The following ALPK1 variants were observed in gnomAD, a reference collection of about 807,000 sequenced individuals.
ALPK1 encodes the protein alpha-protein kinase 1.
ALPK1 carries 110 observed loss-of-function variants against 120.6 expected under a neutral mutation model. That is an observed-to-expected ratio of 0.91 (90% CI 0.78 to 1.07). ALPK1 has a LOEUF of 1.07. Ranked by LOEUF, ALPK1 falls within the 50% of genes least tolerant of loss-of-function variation. The pLI, the probability that ALPK1 is intolerant of heterozygous loss-of-function variation, is 0.00. For synonymous variants in ALPK1, 582 were observed against 560.3 expected (o/e 1.04, Z -0.55); for missense variants, 1,498 against 1,483.9 (o/e 1.01, Z -0.16).
intron 2 of ALPK1, among the ~76,000 whole-genome samples, chr4:112,324,232 C>A (rs947122479): frequency 6.6e-6 from 1 of 151,300 alleles, no homozygotes; most frequent in Non-Finnish European, 1.5e-5. Context: ...GAGGCTGAGG[C>A]AGGAGAATGG....
At chr4:112,327,608 A>C (rs183312670) in intron 2 of ALPK1, among the ~76,000 whole-genome samples, 1 of 152,036 alleles carries the variant, frequency 6.6e-6, no homozygotes, top group Non-Finnish European at 1.5e-5. Context: ...GATAATTTTT[A>C]AAAATTTTTT....
chr4:112,362,718 T>C (rs1478927089), intron 2 of ALPK1, among the ~76,000 whole-genome samples: 1 of 152,192 alleles, frequency 6.6e-6, no homozygotes, highest in Non-Finnish European at 1.5e-5. Context: ...GATATTCACA[T>C]ACAGGAAGCT....
chr4:112,389,297 C>T (rs1396950496), intron 4 of ALPK1, among the ~76,000 whole-genome samples: 1 of 152,162 alleles, frequency 6.6e-6, no homozygotes. Context: ...CCTGCCTCAG[C>T]CTAACCAAAG....
chr4:112,319,586 G>A (rs1007407351), intron 2 of ALPK1, among the ~76,000 whole-genome samples: 2 of 152,086 alleles, frequency 1.3e-5, no homozygotes, highest in African/African-American at 2.4e-5. Flanking sequence ...GAAAAATGAT[G>A]GTGGTACCTT....
intron 4 of ALPK1, among the ~76,000 whole-genome samples, chr4:112,410,214 C>T (rs992152462): frequency 1.5e-4 from 23 of 152,032 alleles, no homozygotes; most frequent in African/African-American, 5.6e-4. Context: ...TGGGCCTCTC[C>T]AGACTCCCAG....
chr4:112,391,512 G>A (rs749178885), intron 4 of ALPK1, among the ~76,000 whole-genome samples: 12 of 152,182 alleles, frequency 7.9e-5, no homozygotes, highest in Non-Finnish European at 1.6e-4. Context: ...TGAAAATAAA[G>A]TTATTGTAGA....
chr4:112,319,742 T>C (rs539989152), intron 2 of ALPK1, among the ~76,000 whole-genome samples: 1 of 152,226 alleles, frequency 6.6e-6, no homozygotes, highest in Admixed American at 6.5e-5. Context: ...GTAGTTTTCC[T>C]TGTAGAGGTT....
intron 4 of ALPK1, among the ~76,000 whole-genome samples, chr4:112,401,120 G>T (rs1732895109): frequency 6.6e-6 from 1 of 152,190 alleles, no homozygotes; most frequent in African/African-American, 2.4e-5. Flanking sequence ...ACTTTTGAAA[G>T]TCCTACCAGG....
rs188094024 is a variant in ALPK1 at position 112,312,750 on chromosome 4, C to A, written c.-152-3051C>A. 1.9e-3 allele frequency among the ~76,000 whole-genome samples: 295 copies of A among 152,316 alleles called. 1 individual carries two copies. Among genetic ancestry groups the A allele is most frequent in the African/African-American group, 6.8e-3 (284 of 41,550 alleles). ...GAAAAAGGAAGTCACAGTGAAAGAACAGAAAAGCCTTAGTTATTATGCAAC... is the reference window on the plus strand; with the variant it reads ...GAAAAAGGAAGTCACAGTGAAAGAAAAGAAAAGCCTTAGTTATTATGCAAC... On this transcript the variant is annotated intron_variant, in intron 1 of 15. Transcript: ENST00000650871.
intron 3 of ALPK1, among the ~76,000 whole-genome samples, chr4:112,378,500 T>C (rs1371296187): frequency 6.6e-6 from 1 of 152,220 alleles, no homozygotes; most frequent in African/African-American, 2.4e-5. Flanking sequence ...TAAGTCATTG[T>C]TTGGGAAGTT....
intron 3 of ALPK1, among the ~76,000 whole-genome samples, chr4:112,379,497 G>A (rs1488459509): frequency 1.3e-5 from 2 of 152,228 alleles, no homozygotes; most frequent in African/African-American, 4.8e-5. Flanking sequence ...GGCGCTGCGT[G>A]TCCCACCCGA....
chr4:112,385,530 G>T, intron 4 of ALPK1, among the ~76,000 whole-genome samples: 1 of 152,182 alleles, frequency 6.6e-6, no homozygotes, highest in East Asian at 1.9e-4. Flanking sequence ...TTAAGCAACC[G>T]CACCTCCTAA....
intron 2 of ALPK1, among the ~76,000 whole-genome samples, chr4:112,320,898 T>C (rs1006763740): frequency 4.3e-5 from 2 of 47,048 alleles, no homozygotes; most frequent in African/African-American, 2.0e-4. Context: ...CATTTCTTTC[T>C]TTTTTTTTTT....
At chr4:112,373,148 T>C (rs962735836) in intron 2 of ALPK1, among the ~76,000 whole-genome samples, 1 of 152,258 alleles carries the variant, frequency 6.6e-6, no homozygotes, top group African/African-American at 2.4e-5. Context: ...TTAATCTCAA[T>C]GCTAACCTCC....
At chr4:112,359,840 C>T in intron 2 of ALPK1, 1 of 360,572 alleles carries the variant, frequency 2.8e-6, no homozygotes, top group Non-Finnish European at 5.4e-6. Context: ...AGGCCCTCAG[C>T]ATGCCCAGCG....
chr4:112,395,526 T>G (rs1247327813), intron 4 of ALPK1, among the ~76,000 whole-genome samples: 5 of 152,248 alleles, frequency 3.3e-5, no homozygotes, highest in Non-Finnish European at 7.3e-5. Flanking sequence ...AGGCACATTA[T>G]ACATTTATTT....
intron 2 of ALPK1, chr4:112,359,425 T>C: frequency 3.2e-6 from 1 of 307,924 alleles, no homozygotes; most frequent in Admixed American, 4.2e-5. Context: ...ATCCCCCTGC[T>C]GCAGAGGTTC....
At chr4:112,433,776 G>C (rs1275480693) in intron 11 of ALPK1, among the ~76,000 whole-genome samples, 1 of 152,108 alleles carries the variant, frequency 6.6e-6, no homozygotes, top group Non-Finnish European at 1.5e-5. Context: ...AAACTACATG[G>C]ATCACTAAGC....
chr4:112,336,359 G>A (rs755147131), intron 2 of ALPK1, among the ~76,000 whole-genome samples: 37 of 151,998 alleles, frequency 2.4e-4, no homozygotes, highest in Admixed American at 4.6e-4. Flanking sequence ...GTTAAATCCA[G>A]GGAAGACAGA....
Sources: allele counts gnomAD v4.1 joint callset (sites outside exome capture counted in the v4.1 genomes callset), GRCh38; gene constraint gnomAD v4.1.1; transcripts MANE v1.5; gene names NCBI Gene and HGNC (gene_info 2026-07-23, HGNC 2026-07-21).